The following CBL variants were observed in gnomAD, a reference collection of about 807,000 sequenced individuals.
CBL encodes the protein E3 ubiquitin-protein ligase CBL.
CBL carries 45 observed loss-of-function variants against 96.9 expected under a neutral mutation model. The ratio of observed to expected loss-of-function variants is 0.46; its 90% confidence interval spans 0.37 to 0.60. The LOEUF is 0.60. Among genes scored for constraint, CBL ranks in the 20% least tolerant of loss-of-function variants. The pLI is 0.00. For synonymous variants in CBL, 420 were observed against 426.8 expected, an observed-to-expected ratio of 0.98 and a Z score of 0.20; for missense variants, 1,024 against 1,143.5, an observed-to-expected ratio of 0.90 and a Z score of 1.51.
chr11:119,222,368 TC>T (rs1047165366), intron 1 of CBL, among the ~76,000 whole-genome samples: 1 of 152,222 alleles, frequency 6.6e-6, no homozygotes, highest in African/African-American at 2.4e-5. Flanking sequence ...CATAACACTT[TC>T]CAAATTTTTT....
intron 3 of CBL, 76 bp from the exon 4 acceptor site, chr11:119,273,792 C>G: frequency 1.5e-6 from 2 of 1,310,044 alleles, no homozygotes; most frequent in South Asian, 2.4e-5. Flanking sequence ...GGCTCTCCTT[C>G]CTTTCCTTGA....
intron 11 of CBL, among the ~76,000 whole-genome samples, chr11:119,286,780 T>G (rs185043793): frequency 4.1e-4 from 62 of 152,314 alleles, no homozygotes; most frequent in Admixed American, 1.2e-3. Flanking sequence ...GAGAGGAATA[T>G]TTGATGTTTT....
Position 119,278,155 on chromosome 11 carries a change from T to C in CBL, c.1096-11T>C, listed in dbSNP as rs2135303471. ...TTCAACTAATAGTCTTTTAATTTTTTTTAATCAAAGGAACAATATGAATTA... is the reference window on the plus strand; with the variant it reads ...TTCAACTAATAGTCTTTTAATTTTTCTTAATCAAAGGAACAATATGAATTA... On this transcript the variant is annotated splice_polypyrimidine_tract_variant and intron_variant, in intron 7 of 15. Coordinates refer to ENST00000264033, the MANE Select transcript of CBL (RefSeq NM_005188.4). 1.3e-6 allele frequency: 2 copies of C among 1,582,202 alleles called. No individual in the cohort carries two copies. The highest frequency in any genetic ancestry group is 1.7e-6 in the Non-Finnish European group (2 of 1,151,850).
chr11:119,256,274 C>T (rs1949710171), intron 2 of CBL, among the ~76,000 whole-genome samples: 1 of 151,542 alleles, frequency 6.6e-6, no homozygotes, highest in South Asian at 2.1e-4. Context: ...TCACTGCAAC[C>T]TCCGCCTCCT....
chr11:119,307,720 T>C lies in CBL; in HGVS notation c.*7939T>C. On this transcript the variant is annotated 3_prime_UTR_variant, in exon 16 of 16. Transcript: ENST00000264033. The stretch of plus-strand genomic sequence containing the variant: ...ATTTTAAAGTCCTCCTTATTCAAGA[T>C]TTTGAAATTCTTAGCCTGGGAGTGC... 4.5e-6 allele frequency: 1 copy of C among 223,678 alleles called. No individual in the cohort carries two copies. The highest frequency in any genetic ancestry group is 8.9e-6 in the Non-Finnish European group (1 of 111,952). The allele number at this position is 223,678 out of a possible 1,614,324, so 13.9% of individuals were successfully genotyped here.
At chr11:119,228,742 A>C (rs1016108806) in intron 1 of CBL, among the ~76,000 whole-genome samples, 1 of 151,252 alleles carries the variant, frequency 6.6e-6, no homozygotes, top group Non-Finnish European at 1.5e-5. Flanking sequence ...CTTCTGCTTC[A>C]ACCTCTGGAG....
At chr11:119,256,888 A>C (rs1393606903) in intron 2 of CBL, among the ~76,000 whole-genome samples, 1 of 152,112 alleles carries the variant, frequency 6.6e-6, no homozygotes, top group Non-Finnish European at 1.5e-5. Context: ...TTGCTGGAAA[A>C]GACATTATTT....
rs147497664 is a variant in CBL, at chr11:119,302,400, C to T, written c.*2619C>T. The T allele has an allele frequency of 7.2e-4, 168 of 232,938 alleles. 1 individual carries two copies. The East Asian group carries it at 8.7e-3, about 12-fold the overall frequency. 14.4% of individuals were successfully genotyped at this position (232,938 alleles called of 1,614,324 possible). On this transcript the variant is annotated 3_prime_UTR_variant, in exon 16 of 16. Transcript: ENST00000264033. ...TAAGGCACCAGTAACCCATTCTTCA[C>T]CCTCCATTTGTATGGCAATTTAAAA...
In CBL at chr11:119,278,212, G is replaced by T. The variant is rs768898787; in HGVS notation, c.1142G>T (p.Cys381Phe). ...YCEMGSTFQL[C>F]KICAENDKDV... Reference sequence around the variant, plus strand: ...GAGATGGGCTCCACATTCCAACTATGTAAAATATGTGCTGAAAATGATAAG... The same window carrying T: ...GAGATGGGCTCCACATTCCAACTATTTAAAATATGTGCTGAAAATGATAAG... The change falls in exon 8 of 16, where the codon TGT (cysteine) becomes TTT (phenylalanine). Residue 381 changes from cysteine to phenylalanine, a missense_variant. Physicochemically the swap from Cys to Phe is radical, Grantham distance 205. Around this residue, in one of 4 missense-constraint regions of CBL, gnomAD observed 695 missense variants for 661.6 expected, o/e 1.05. Transcript: ENST00000264033. 1 of 1,611,544 alleles carries T rather than the reference G, an allele frequency of 6.2e-7. No individual in the cohort carries two copies. The highest frequency in any genetic ancestry group is 8.5e-7 in the Non-Finnish European group (1 of 1,177,814).
At chr11:119,284,357 G>A (rs1396232982) in intron 9 of CBL, among the ~76,000 whole-genome samples, 1 of 151,938 alleles carries the variant, frequency 6.6e-6, no homozygotes, top group Non-Finnish European at 1.5e-5. Context: ...CCAGGCTGGA[G>A]TACAGTGGCT....
At chr11:119,254,352 A>G (rs1173717097) in intron 2 of CBL, among the ~76,000 whole-genome samples, 1 of 152,194 alleles carries the variant, frequency 6.6e-6, no homozygotes, top group Non-Finnish European at 1.5e-5. Context: ...GACAGGATGC[A>G]TTTTGAGAAA....
At chr11:119,216,088 A>G (rs1949357980) in intron 1 of CBL, among the ~76,000 whole-genome samples, 1 of 152,074 alleles carries the variant, frequency 6.6e-6, no homozygotes, top group Admixed American at 6.6e-5. Context: ...TCATAGATGG[A>G]CCTGTGGTTC....
At chr11:119,257,713 T>A (rs1022540690) in intron 2 of CBL, among the ~76,000 whole-genome samples, 7 of 152,152 alleles carry the variant, frequency 4.6e-5, no homozygotes, top group African/African-American at 1.2e-4. Context: ...ACATCTTGAG[T>A]TGATTTTTCT....
Position 119,303,711 on chromosome 11 carries a change from C to T in CBL, c.*3930C>T, listed in dbSNP as rs1482078564. 1 of 233,522 alleles carries T rather than the reference C, an allele frequency of 4.3e-6. No individual in the cohort carries two copies. Among genetic ancestry groups the T allele is most frequent in the Admixed American group, 5.6e-5 (1 of 17,772 alleles). The allele number at this position is 233,522 out of a possible 1,614,324, so 14.5% of individuals were successfully genotyped here. On this transcript the variant is annotated 3_prime_UTR_variant, in exon 16 of 16. Transcript: ENST00000264033. ...GACTGTTTTTATGTTGGAATTTGTTCCAACATAATTAGAATCTGTTTGGTG... is the reference window on the plus strand; with the variant it reads ...GACTGTTTTTATGTTGGAATTTGTTTCAACATAATTAGAATCTGTTTGGTG...
Position 119,300,129 on chromosome 11 carries a change from G to A in CBL, c.*348G>A. On this transcript the variant is annotated 3_prime_UTR_variant, in exon 16 of 16. Coordinates refer to ENST00000264033, the MANE Select transcript of CBL (RefSeq NM_005188.4). ...TAATTGAGGACTTAAGACTTCCTGG[G>A]TTAAGGATGTGGCCGTGTGTGTGTG... 1 of 542,430 alleles carries A rather than the reference G, an allele frequency of 1.8e-6. No homozygotes were observed. Among genetic ancestry groups the A allele is most frequent in the Non-Finnish European group, 3.3e-6 (1 of 305,506 alleles). The allele number at this position is 542,430 out of a possible 1,614,324, so 33.6% of individuals were successfully genotyped here.
chr11:119,282,665 A>C (rs1949946359), intron 9 of CBL, among the ~76,000 whole-genome samples: 1 of 152,182 alleles, frequency 6.6e-6, no homozygotes, highest in African/African-American at 2.4e-5. Context: ...ATTTTGTAAC[A>C]GGGCAAATTG....
intron 2 of CBL, among the ~76,000 whole-genome samples, chr11:119,241,070 C>CAAAAATA (rs576208683): frequency 2.6e-5 from 4 of 151,272 alleles, no homozygotes; most frequent in South Asian, 4.2e-4. Context: ...GATTCCATCT[C>CAAAAATA]AAAAATAAAA....
rs951562436 is a variant in CBL, at chr11:119,302,406, A to G, written c.*2625A>G. 2.1e-5 allele frequency: 5 copies of G among 232,600 alleles called. No homozygotes were observed. The highest frequency in any genetic ancestry group is 3.4e-5 in the Non-Finnish European group (4 of 117,724). The allele number at this position is 232,600 out of a possible 1,614,324, so 14.4% of individuals were successfully genotyped here. On this transcript the variant is annotated 3_prime_UTR_variant, in exon 16 of 16. Coordinates refer to ENST00000264033, the MANE Select transcript of CBL (RefSeq NM_005188.4). ...ACCAGTAACCCATTCTTCACCCTCC[A>G]TTTGTATGGCAATTTAAAAGTCTTT...
rs397507495 is a variant in CBL, at chr11:119,285,448, C to G, written c.1823C>G (p.Pro608Arg). 1.2e-6 allele frequency: 2 copies of G among 1,614,166 alleles called. No homozygotes were observed. Among genetic ancestry groups the G allele is most frequent in the South Asian group, 2.2e-5 (2 of 91,084 alleles). ...GTATCTGCCCCAAGTTCCAGTGATC[C>G]CTGGACAGGAAGAGAATTAACCAAC... ...VPVSAPSSSD[P>R]WTGRELTNRH... The change falls in exon 11 of 16, where the codon CCC becomes CGC. Residue 608 changes from proline (P) to arginine (R), a missense_variant. By Grantham distance (103) the Pro-to-Arg change is moderately radical. Around this residue, in one of 4 missense-constraint regions of CBL, gnomAD observed 695 missense variants for 661.6 expected, o/e 1.05. Transcript: ENST00000264033.
Sources: allele counts gnomAD v4.1 joint callset (sites outside exome capture counted in the v4.1 genomes callset), GRCh38; gene constraint gnomAD v4.1.1; regional missense constraint gnomAD v4.1.1; transcripts MANE v1.5; gene names NCBI Gene and HGNC (gene_info 2026-07-23, HGNC 2026-07-21).